Variants in TMEM272 observed in about 807,000 individuals in gnomAD.
The protein encoded by TMEM272 is long intergenic non-protein coding RNA 282.
TMEM272 carries 8 observed loss-of-function variants against 3.7 expected under a neutral mutation model. The observed-to-expected ratio is 2.17, with a 90% CI of 1.27 to 3.91. The LOEUF (loss-of-function observed/expected upper bound fraction) is 3.91. Ranked by LOEUF, TMEM272 falls within the 30% of genes most tolerant of loss-of-function variation. The pLI is 0.00. For synonymous variants in TMEM272, 63 were observed against 39.8 expected, an observed-to-expected ratio of 1.58 and a Z score of -2.20; for missense variants, 166 against 91.5, an observed-to-expected ratio of 1.81 and a Z score of -3.32.
the TMEM272 span, among the ~76,000 whole-genome samples, chr13:51,925,793 CA>C: frequency 6.6e-6 from 1 of 152,198 alleles, no homozygotes; most frequent in African/African-American, 2.4e-5. Flanking sequence ...AGTGCCAGCC[CA>C]GATGCCACCC....
the TMEM272 span, among the ~76,000 whole-genome samples, chr13:51,905,304 G>C: frequency 1.3e-5 from 2 of 152,336 alleles, no homozygotes; most frequent in East Asian, 3.9e-4. Flanking sequence ...AGAGAGCCAT[G>C]ATTCCAGAGC....
the TMEM272 span, among the ~76,000 whole-genome samples, chr13:51,917,754 G>A: frequency 2.6e-5 from 4 of 152,154 alleles, no homozygotes; most frequent in Non-Finnish European, 2.9e-5. Context: ...GGGCTTAAAC[G>A]AGATGACAAA....
the TMEM272 span, among the ~76,000 whole-genome samples, chr13:51,922,676 T>C: frequency 1.8e-4 from 27 of 152,134 alleles, no homozygotes; most frequent in African/African-American, 4.3e-4. Flanking sequence ...GTCCCAGAGG[T>C]TGGAAGTTTG....
the TMEM272 span, among the ~76,000 whole-genome samples, chr13:51,868,721 T>C: frequency 6.6e-6 from 1 of 152,210 alleles, no homozygotes; most frequent in Non-Finnish European, 1.5e-5. Flanking sequence ...GTCTCCCTGC[T>C]TTGAGCTCCT....
At chr13:51,926,871 A>C in the TMEM272 span, among the ~76,000 whole-genome samples, 1 of 152,202 alleles carries the variant, frequency 6.6e-6, no homozygotes, top group African/African-American at 2.4e-5. Context: ...GATACATATA[A>C]TTTTATCTAT....
the TMEM272 span, chr13:51,910,303 C>T: frequency 7.1e-7 from 1 of 1,411,620 alleles, no homozygotes; most frequent in South Asian, 1.2e-5. Flanking sequence ...GACTCTACTT[C>T]ATAGCCTTCA....
chr13:51,865,925 TC>T, the TMEM272 span: 1 of 1,613,658 alleles, frequency 6.2e-7, no homozygotes, highest in African/African-American at 1.3e-5. Context: ...AGATAAAACG[TC>T]CCTCTGGGAG....
At chr13:51,855,093 A>C in the TMEM272 span, among the ~76,000 whole-genome samples, 6 of 152,210 alleles carry the variant, frequency 3.9e-5, no homozygotes, top group Admixed American at 3.9e-4. Flanking sequence ...GTTGATTTCA[A>C]ATTGAAAGCA....
chr13:51,913,484 T>C, the TMEM272 span, among the ~76,000 whole-genome samples: 3 of 152,252 alleles, frequency 2.0e-5, no homozygotes, highest in Non-Finnish European at 4.4e-5. Flanking sequence ...GTGTGCTTAC[T>C]GAGCTCTTCC....
intron 1 of TMEM272, among the ~76,000 whole-genome samples, chr13:51,840,573 G>C (rs1179799429): frequency 6.6e-6 from 1 of 152,104 alleles, no homozygotes; most frequent in Non-Finnish European, 1.5e-5. Flanking sequence ...CCAATCCCTG[G>C]GAATCCCAAA....
At chr13:51,889,696 C>T in the TMEM272 span, among the ~76,000 whole-genome samples, 1 of 152,030 alleles carries the variant, frequency 6.6e-6, no homozygotes, top group Admixed American at 6.5e-5. Context: ...GGCTAAAGTG[C>T]AATGGTGCGA....
chr13:51,844,957 A>T (rs1390370582), intron 1 of TMEM272, 59 bp downstream of exon 1: 3 of 152,226 alleles, frequency 2.0e-5, no homozygotes, highest in Non-Finnish European at 4.4e-5. Flanking sequence ...GATTTCAAGA[A>T]ACCCTCTGCT....
In TMEM272 at chr13:51,822,077, C is replaced by T. The variant is rs1184853027; in HGVS notation, c.179G>A (p.Gly60Asp). 4 of 702,468 alleles carry T rather than the reference C, an allele frequency of 5.7e-6. No homozygotes were observed. The Admixed American group carries it at 8.0e-5, about 14-fold the overall frequency. The allele number at this position is 702,468 out of a possible 1,614,324, so 43.5% of individuals were successfully genotyped here. A position where few individuals can be genotyped will look rare whatever the true frequency, so the allele number is the denominator to read the frequency against. ...TACCTTTAAGGTACCGACGATGCCA[C>T]CCACTAGCAAATATAAAGGAATGAG... ...QPLIPLYLLV[G>D]GIVGTLKVSL... The change falls in exon 4 of 5, where the codon GGT (glycine) becomes GAT (aspartate). Residue 60 changes from glycine (G) to aspartate (D), a missense_variant. Coordinates refer to ENST00000629372, the MANE Select transcript of TMEM272 (RefSeq NM_001351003.2).
At chr13:51,852,533 T>C in the TMEM272 span, among the ~76,000 whole-genome samples, 3 of 152,348 alleles carry the variant, frequency 2.0e-5, no homozygotes, top group South Asian at 2.1e-4. Flanking sequence ...TATGTTGTCA[T>C]TGTCTTCATC....
At chr13:51,915,174 T>A in the TMEM272 span, among the ~76,000 whole-genome samples, 1 of 152,230 alleles carries the variant, frequency 6.6e-6, no homozygotes, top group East Asian at 1.9e-4. Flanking sequence ...GCTTTGGGGC[T>A]CTGATTGACT....
At chr13:51,905,672 T>A in the TMEM272 span, among the ~76,000 whole-genome samples, 1 of 152,196 alleles carries the variant, frequency 6.6e-6, no homozygotes, top group Non-Finnish European at 1.5e-5. Context: ...AATGGTAGAA[T>A]AAGTGCTAGG....
the TMEM272 span, among the ~76,000 whole-genome samples, chr13:51,860,225 T>C: frequency 6.6e-6 from 1 of 152,174 alleles, no homozygotes; most frequent in Non-Finnish European, 1.5e-5. Flanking sequence ...CTCTGAGTAA[T>C]TGTCTTTTTG....
At chr13:51,845,523 A>C (rs1956298068), upstream of TMEM272, among the ~76,000 whole-genome samples, 2 of 152,120 alleles carry the variant, frequency 1.3e-5, no homozygotes, top group African/African-American at 4.8e-5. Context: ...TGAGGTAATG[A>C]GAGGTGCCCT....
chr13:51,819,267 T>C (rs1956059225), intron 4 of TMEM272, among the ~76,000 whole-genome samples: 1 of 152,078 alleles, frequency 6.6e-6, no homozygotes, highest in Admixed American at 6.6e-5. Context: ...CAATTGCCTG[T>C]AGTAGGTTGG....
Sources: gnomAD v4.1 joint callset for allele counts (sites outside exome capture counted in the v4.1 genomes callset) on GRCh38, gnomAD v4.1.1 for gene constraint, MANE v1.5 for transcripts, NCBI Gene and HGNC (gene_info 2026-07-23, HGNC 2026-07-21) for gene names.